Variants in ADAMTS18 observed in about 807,000 individuals in gnomAD.
The protein encoded by ADAMTS18 is ADAM metallopeptidase with thrombospondin type 1 motif 18, also known as A disintegrin and metalloproteinase with thrombospondin motifs 18.
A neutral mutation model predicts 165.9 loss-of-function variants in ADAMTS18; 157 were observed. That is an observed-to-expected ratio of 0.95 (90% CI 0.83 to 1.08). The LOEUF (loss-of-function observed/expected upper bound fraction) is 1.08, where lower values mean the gene tolerates loss of function less well. ADAMTS18 is among the 50% of genes least tolerant of loss of function. The pLI, the probability that ADAMTS18 is intolerant of heterozygous loss-of-function variation, is 0.00. For synonymous variants in ADAMTS18, 782 were observed against 578.2 expected, an observed-to-expected ratio of 1.35 and a Z score of -5.06; for missense variants, 2,040 against 1,534.0, an observed-to-expected ratio of 1.33 and a Z score of -5.51.
chr16:77,404,065 T>C (rs1051146816), intron 3 of ADAMTS18, among the ~76,000 whole-genome samples: 2 of 147,312 alleles, frequency 1.4e-5, no homozygotes, highest in African/African-American at 4.9e-5. Flanking sequence ...TTTCCTCTGC[T>C]TTCTGCAGAG....
chr16:77,385,667 G>A (rs1401551796), intron 3 of ADAMTS18, among the ~76,000 whole-genome samples: 1 of 152,194 alleles, frequency 6.6e-6, no homozygotes, highest in Non-Finnish European at 1.5e-5. Flanking sequence ...GCTGTTAAGA[G>A]ATGTGATTAA....
chr16:77,421,088 T>C (rs1234957438), intron 3 of ADAMTS18, among the ~76,000 whole-genome samples: 1 of 152,178 alleles, frequency 6.6e-6, no homozygotes, highest in East Asian at 1.9e-4. Flanking sequence ...ACTACATAAT[T>C]TATATTAGAA....
In ADAMTS18 at chr16:77,297,322, G is replaced by T. The variant is rs748668627; in HGVS notation, c.2768C>A (p.Pro923His). The T allele has an allele frequency of 1.7e-4, 267 of 1,613,972 alleles. No individual in the cohort carries two copies. The highest frequency in any genetic ancestry group is 2.2e-4 in the Non-Finnish European group (255 of 1,180,016). The change falls in exon 18 of 23, where the codon CCC becomes CAC. Residue 923 changes from proline (P) to histidine (H), a missense_variant. Pro to His is a moderately conservative substitution (Grantham distance 77). Transcript: ENST00000282849. Reference sequence around the variant, plus strand: ...GCAGGAGAAAGCGTTGCAGATTTTGGGCTCAGTTACTGGCTTGGTTTTTGC... The same window carrying T: ...GCAGGAGAAAGCGTTGCAGATTTTGTGCTCAGTTACTGGCTTGGTTTTTGC... The part of the protein sequence containing the change: ...CSAKTKPVTE[P>H]KICNAFSCPA...
intron 17 of ADAMTS18, among the ~76,000 whole-genome samples, chr16:77,298,026 G>A (rs2343049): frequency 0.019 from 2,634 of 142,236 alleles, 47 homozygotes; most frequent in African/African-American, 0.044. Flanking sequence ...CCGGGTTCAA[G>A]CGATTCTCCT....
At chr16:77,295,868 A>C (rs1218401032) in intron 18 of ADAMTS18, among the ~76,000 whole-genome samples, 1 of 151,892 alleles carries the variant, frequency 6.6e-6, no homozygotes, top group Non-Finnish European at 1.5e-5. Flanking sequence ...TTTGAGATGG[A>C]GTCTTGCTCT....
chr16:77,372,131 G>T (rs927452509), intron 3 of ADAMTS18, among the ~76,000 whole-genome samples: 5 of 152,182 alleles, frequency 3.3e-5, no homozygotes, highest in Non-Finnish European at 5.9e-5. Flanking sequence ...TGCTAGCATG[G>T]ATGTGGAGAA....
intron 17 of ADAMTS18, among the ~76,000 whole-genome samples, chr16:77,298,416 A>G (rs573202687): frequency 6.6e-6 from 1 of 152,202 alleles, no homozygotes; most frequent in Non-Finnish European, 1.5e-5. Flanking sequence ...CTGAGAAAGA[A>G]TAAGTCACTC....
intron 3 of ADAMTS18, among the ~76,000 whole-genome samples, chr16:77,388,488 C>G (rs982692111): frequency 6.6e-6 from 1 of 152,152 alleles, no homozygotes; most frequent in South Asian, 2.1e-4. Flanking sequence ...CAGACTGGAA[C>G]CAAATGTGTG....
At chr16:77,333,739 C>G (rs2056228745) in intron 12 of ADAMTS18, among the ~76,000 whole-genome samples, 1 of 150,328 alleles carries the variant, frequency 6.7e-6, no homozygotes, top group Non-Finnish European at 1.5e-5. Flanking sequence ...TGGCACATAT[C>G]CATAATTGAA....
At chr16:77,331,819 T>C (rs949090709) in intron 12 of ADAMTS18, among the ~76,000 whole-genome samples, 5 of 152,170 alleles carry the variant, frequency 3.3e-5, no homozygotes, top group Non-Finnish European at 7.3e-5. Flanking sequence ...TATTTTAGCC[T>C]GCGATATTCG....
At chr16:77,431,010 C>T (rs1405142182) in intron 3 of ADAMTS18, among the ~76,000 whole-genome samples, 1 of 152,208 alleles carries the variant, frequency 6.6e-6, no homozygotes, top group Non-Finnish European at 1.5e-5. Context: ...AAGCGAATGG[C>T]ATCCATCAAG....
chr16:77,347,619 A>G (rs1248479256), intron 10 of ADAMTS18, among the ~76,000 whole-genome samples: 2 of 151,798 alleles, frequency 1.3e-5, no homozygotes, highest in Non-Finnish European at 2.9e-5. Flanking sequence ...CTGATATATT[A>G]TTTGATATAT....
chr16:77,355,293 A>C (rs767063079), intron 9 of ADAMTS18, among the ~76,000 whole-genome samples: 46 of 151,786 alleles, frequency 3.0e-4, no homozygotes, highest in Non-Finnish European at 4.9e-4. Context: ...CCAAACTCCT[A>C]CTTTTACTAA....
At chr16:77,423,674 A>T (rs975726505) in intron 3 of ADAMTS18, among the ~76,000 whole-genome samples, 7 of 152,178 alleles carry the variant, frequency 4.6e-5, no homozygotes, top group African/African-American at 1.4e-4. Context: ...ATGCTGCTTC[A>T]TCATACATGA....
At chr16:77,304,311 A>C (rs74375631) in intron 16 of ADAMTS18, among the ~76,000 whole-genome samples, 14,821 of 152,168 alleles carry the variant, frequency 0.097, 983 homozygotes, top group East Asian at 0.27. Context: ...AATTTTAAAA[A>C]ACTAGCTAGG....
chr16:77,407,976 C>T (rs1295860896), intron 3 of ADAMTS18, among the ~76,000 whole-genome samples: 5 of 151,888 alleles, frequency 3.3e-5, no homozygotes, highest in African/African-American at 1.2e-4. Context: ...GATAAAAAGG[C>T]ATACCAGGAT....
At position 77,434,827 on chromosome 16, in the gene ADAMTS18, A is replaced by T. The variant is rs942727496; in HGVS notation, c.-132T>A. 1.4e-6 allele frequency: 1 copy of T among 722,406 alleles called. No homozygotes were observed. The highest frequency in any genetic ancestry group is 4.5e-5 in the Admixed American group (1 of 22,090). The allele number at this position is 722,406 out of a possible 1,614,324, so 44.7% of individuals were successfully genotyped here. On this transcript the variant is annotated 5_prime_UTR_variant, in exon 1 of 23. The change abolishes the stop of an existing upstream ORF in the 5' untranslated region. Transcript: ENST00000282849. ...CTCCAGGTGAGAGCCGCCGCCGTTCACATCGCAGCGGGGGCGCGCTGGGAC... is the reference window on the plus strand; with the variant it reads ...CTCCAGGTGAGAGCCGCCGCCGTTCTCATCGCAGCGGGGGCGCGCTGGGAC...
intron 9 of ADAMTS18, 115 bp from the exon 10 acceptor site, chr16:77,354,001 C>T (rs1297651310): frequency 1.6e-6 from 2 of 1,275,610 alleles, no homozygotes; most frequent in South Asian, 1.2e-5. Context: ...GTTCTAGAAA[C>T]AGGTATATGT....
chr16:77,336,099 G>C (rs945135888), intron 11 of ADAMTS18, among the ~76,000 whole-genome samples, 195 bp from the exon 12 acceptor site: 1 of 152,174 alleles, frequency 6.6e-6, no homozygotes, highest in Non-Finnish European at 1.5e-5. Flanking sequence ...ATTTTGAAAG[G>C]CTGACATCTA....
Sources: gnomAD v4.1 joint callset for allele counts (sites outside exome capture counted in the v4.1 genomes callset) on GRCh38, gnomAD v4.1.1 for gene constraint, MANE v1.5 for transcripts, NCBI Gene and HGNC (gene_info 2026-07-23, HGNC 2026-07-21) for gene names.